HYCC2: variants seen among roughly 807,000 people sequenced by gnomAD.
The protein encoded by HYCC2 is hyccin PI4KA lipid kinase complex subunit 2.
chr2:201,023,356 AAAAG>A, the HYCC2 span, among the ~76,000 whole-genome samples: 1 of 152,264 alleles, frequency 6.6e-6, no homozygotes, highest in African/African-American at 2.4e-5. Flanking sequence ...CTCAAAAAAA[AAAAG>A]AAAGAAAGAA....
chr2:201,011,297 A>G, the HYCC2 span: 1 of 652,028 alleles, frequency 1.5e-6, no homozygotes, highest in Non-Finnish European at 2.5e-6. Flanking sequence ...ATCAGTAAAG[A>G]TATTTTAGGA....
At chr2:200,994,725 G>C in the HYCC2 span, among the ~76,000 whole-genome samples, 1 of 152,058 alleles carries the variant, frequency 6.6e-6, no homozygotes, top group Non-Finnish European at 1.5e-5. Flanking sequence ...ATTAGGCTGG[G>C]TGTGGTGACT....
At chr2:201,019,989 T>C in the HYCC2 span, among the ~76,000 whole-genome samples, 2 of 151,778 alleles carry the variant, frequency 1.3e-5, no homozygotes, top group Admixed American at 1.3e-4. Flanking sequence ...GAAGGTGAGT[T>C]TGGAGGATCA....
chr2:201,032,958 C>G, the HYCC2 span, among the ~76,000 whole-genome samples: 1 of 151,728 alleles, frequency 6.6e-6, no homozygotes, highest in East Asian at 1.9e-4. Context: ...TGGTTTAAAT[C>G]AAGAAGTCTA....
the HYCC2 span, among the ~76,000 whole-genome samples, chr2:201,030,119 T>C: frequency 2.6e-5 from 4 of 152,042 alleles, no homozygotes; most frequent in Non-Finnish European, 5.9e-5. Flanking sequence ...GAAATTTCAT[T>C]GTAATGGTGA....
At chr2:200,979,399 C>T in the HYCC2 span, 1 of 152,218 alleles carries the variant, frequency 6.6e-6, no homozygotes, top group South Asian at 2.1e-4. Context: ...TTTCCATTTT[C>T]ACATGAGCTG....
At chr2:200,987,272 T>G in the HYCC2 span, 1 of 1,130,116 alleles carries the variant, frequency 8.8e-7, no homozygotes, top group Admixed American at 2.9e-5. Context: ...AAACACACAT[T>G]AGAATGGAAA....
the HYCC2 span, among the ~76,000 whole-genome samples, chr2:201,049,338 ATTC>A: frequency 6.6e-6 from 1 of 152,008 alleles, no homozygotes; most frequent in Non-Finnish European, 1.5e-5. Flanking sequence ...CACAATTTGA[ATTC>A]TTTTCTTTTT....
the HYCC2 span, among the ~76,000 whole-genome samples, chr2:201,045,998 A>T: frequency 1.3e-5 from 2 of 152,146 alleles, no homozygotes; most frequent in Admixed American, 6.6e-5. Context: ...CAATCATTTT[A>T]AAAATACCCT....
chr2:200,991,901 A>C, the HYCC2 span, among the ~76,000 whole-genome samples: 1 of 151,770 alleles, frequency 6.6e-6, no homozygotes, highest in African/African-American at 2.4e-5. Context: ...AAAAACCCCC[A>C]AAATCCTAAT....
chr2:201,057,259 G>C, the HYCC2 span, among the ~76,000 whole-genome samples: 1 of 152,186 alleles, frequency 6.6e-6, no homozygotes, highest in African/African-American at 2.4e-5. Context: ...GGGAACAAGG[G>C]AGGACTATAT....
At chr2:201,006,872 T>A in the HYCC2 span, among the ~76,000 whole-genome samples, 1 of 152,176 alleles carries the variant, frequency 6.6e-6, no homozygotes, top group Non-Finnish European at 1.5e-5. Flanking sequence ...ATGACTTGCC[T>A]GAGGAGGAAC....
chr2:201,017,054 T>C, the HYCC2 span: 2 of 1,614,128 alleles, frequency 1.2e-6, no homozygotes, highest in Admixed American at 1.7e-5. Context: ...CTCGGCTAAC[T>C]GTAAGCCGTA....
the HYCC2 span, among the ~76,000 whole-genome samples, chr2:201,051,899 G>C: frequency 6.6e-6 from 1 of 152,232 alleles, no homozygotes; most frequent in Admixed American, 6.5e-5. Flanking sequence ...CCTCAATCAT[G>C]AGCCTAATAC....
chr2:201,017,946 G>C, the HYCC2 span, among the ~76,000 whole-genome samples: 1 of 152,044 alleles, frequency 6.6e-6, no homozygotes, highest in African/African-American at 2.4e-5. Context: ...AGTAGAAGAA[G>C]GGATTTTGCA....
chr2:201,006,315 T>C, the HYCC2 span, among the ~76,000 whole-genome samples: 1 of 149,784 alleles, frequency 6.7e-6, no homozygotes, highest in Non-Finnish European at 1.5e-5. Flanking sequence ...TTTTTTTGTA[T>C]TTTTTAGCAG....
the HYCC2 span, chr2:200,997,298 G>A: frequency 3.6e-6 from 2 of 562,044 alleles, no homozygotes; most frequent in African/African-American, 3.9e-5. Context: ...AGCCTCATGA[G>A]GATAAGGACT....
the HYCC2 span, chr2:201,011,273 C>A: frequency 1.8e-6 from 1 of 551,530 alleles, no homozygotes. Context: ...CAAACATCCA[C>A]TTTTAAGAAG....
At chr2:201,053,687 G>A in the HYCC2 span, among the ~76,000 whole-genome samples, 12 of 152,300 alleles carry the variant, frequency 7.9e-5, no homozygotes, top group South Asian at 4.1e-4. Flanking sequence ...TGCCCAAGCC[G>A]GGCGTGGTGG....
Sources: allele counts gnomAD v4.1 joint callset (sites outside exome capture counted in the v4.1 genomes callset), GRCh38; gene constraint gnomAD v4.1.1; transcripts MANE v1.5; gene names NCBI Gene and HGNC (gene_info 2026-07-23, HGNC 2026-07-21).